The following ITGBL1 variants were observed in gnomAD, a reference collection of about 807,000 sequenced individuals.
ITGBL1 encodes the protein integrin subunit beta like 1, also known as integrin beta-like protein 1.
A neutral mutation model predicts 68.5 loss-of-function variants in ITGBL1; 51 were observed. The ratio of observed to expected loss-of-function variants is 0.74; its 90% CI spans 0.59 to 0.94. The LOEUF is 0.94. Among genes scored for constraint, ITGBL1 ranks in the 40% least tolerant of loss-of-function variants. ITGBL1 has a pLI of 0.00. For missense variants in ITGBL1, 649 were observed against 647.4 expected, an observed-to-expected ratio of 1.00 and a Z score of -0.03; for synonymous variants, 209 against 227.3, an observed-to-expected ratio of 0.92 and a Z score of 0.72.
At chr13:101,656,564 G>A (rs1227246742) in intron 7 of ITGBL1, among the ~76,000 whole-genome samples, 4 of 151,998 alleles carry the variant, frequency 2.6e-5, no homozygotes, top group African/African-American at 9.7e-5. Context: ...TTAGGAACTT[G>A]GGCAAGATAA....
At chr13:101,587,170 C>T (rs188273096) in intron 6 of ITGBL1, among the ~76,000 whole-genome samples, 12 of 152,284 alleles carry the variant, frequency 7.9e-5, no homozygotes, top group Admixed American at 5.2e-4. Context: ...CATTTCCATT[C>T]TCTCCATTTA....
Position 101,677,560 on chromosome 13 carries a change from G to A in ITGBL1, c.1016-15025G>A, listed in dbSNP as rs537527631. Among the ~76,000 whole-genome samples the A allele has an allele frequency of 1.4e-4, 22 of 152,218 alleles. No homozygotes were observed. The South Asian group carries it at 1.7e-3, about 11-fold the overall frequency. On this transcript the variant is annotated intron_variant, in intron 7 of 10. Transcript: ENST00000376180. Reference sequence around the variant, plus strand: ...TAAGTGGTAGATAGGGAATTCTCTCGTAGGTCTCAGACTCCAGAGCACAAA... The same window carrying A: ...TAAGTGGTAGATAGGGAATTCTCTCATAGGTCTCAGACTCCAGAGCACAAA...
intron 9 of ITGBL1, among the ~76,000 whole-genome samples, chr13:101,707,685 T>TA (rs111754845): frequency 0.15 from 22,386 of 150,558 alleles, 2,028 homozygotes; most frequent in East Asian, 0.43. Flanking sequence ...TCTACTCTAT[T>TA]AAAAAAAACA....
chr13:101,720,762 G>GATGAC (rs1158905838), downstream of ITGBL1: 1 of 152,036 alleles, frequency 6.6e-6, no homozygotes, highest in African/African-American at 2.4e-5. Context: ...TAGGCTTCAA[G>GATGAC]ATGACATAAC....
At position 101,495,477 on chromosome 13, in the gene ITGBL1, G is replaced by C. The variant is rs368154248; in HGVS notation, c.316+41377G>C. 1.8e-3 allele frequency among the ~76,000 whole-genome samples: 270 copies of C among 152,178 alleles called. 1 individual carries two copies. The highest frequency in any genetic ancestry group is 6.3e-3 in the African/African-American group (261 of 41,514). ...GCTTGTTCTCATCTCATCCCCTCAA[G>C]GTTTGGCTTTCTACTTCACTGACTC... On this transcript the variant is annotated intron_variant, in intron 2 of 10. Coordinates refer to ENST00000376180, the MANE Select transcript of ITGBL1 (RefSeq NM_004791.3).
intron 5 of ITGBL1, among the ~76,000 whole-genome samples, chr13:101,580,360 T>G (rs2050435107): frequency 6.6e-6 from 1 of 152,116 alleles, no homozygotes; most frequent in African/African-American, 2.4e-5. Flanking sequence ...GGCAGGAACT[T>G]GGAACAAAAT....
intron 7 of ITGBL1, among the ~76,000 whole-genome samples, chr13:101,681,075 T>A (rs1440229277): frequency 1.3e-5 from 2 of 152,202 alleles, no homozygotes; most frequent in Non-Finnish European, 2.9e-5. Flanking sequence ...TCTAGCATGA[T>A]ACTTACCCCA....
intron 2 of ITGBL1, among the ~76,000 whole-genome samples, chr13:101,556,719 G>A (rs1177637013): frequency 6.6e-6 from 1 of 152,132 alleles, no homozygotes; most frequent in Admixed American, 6.6e-5. Flanking sequence ...GCAAAGATCT[G>A]AGTGATGCAA....
chr13:101,604,097 C>A (rs1031903935), intron 7 of ITGBL1, among the ~76,000 whole-genome samples: 8 of 151,586 alleles, frequency 5.3e-5, no homozygotes, highest in African/African-American at 1.9e-4. Flanking sequence ...AAATGTCAAA[C>A]CATATAATAG....
At chr13:101,579,890 G>A (rs971096661) in intron 5 of ITGBL1, among the ~76,000 whole-genome samples, 13 of 152,196 alleles carry the variant, frequency 8.5e-5, no homozygotes, top group African/African-American at 2.6e-4. Flanking sequence ...TTTAACTTCC[G>A]TGTGCAATAA....
At chr13:101,590,178 A>G (rs1389784084) in intron 6 of ITGBL1, among the ~76,000 whole-genome samples, 5 of 152,150 alleles carry the variant, frequency 3.3e-5, no homozygotes, top group Admixed American at 3.3e-4. Flanking sequence ...ATTGGATAGG[A>G]TTCCAACTTT....
At chr13:101,668,604 T>C (rs1263274913) in intron 7 of ITGBL1, among the ~76,000 whole-genome samples, 1 of 79,990 alleles carries the variant, frequency 1.3e-5, no homozygotes, top group Non-Finnish European at 2.5e-5. Flanking sequence ...GAGAATCAAC[T>C]TGAAATGAGA....
chr13:101,608,062 C>T (rs1431379999), intron 7 of ITGBL1, among the ~76,000 whole-genome samples: 16 of 151,928 alleles, frequency 1.1e-4, no homozygotes, highest in Admixed American at 9.9e-4. Context: ...AACCATACAC[C>T]CCCATAAGGG....
chr13:101,691,828 G>A (rs2033887476), intron 7 of ITGBL1, among the ~76,000 whole-genome samples: 1 of 152,114 alleles, frequency 6.6e-6, no homozygotes, highest in South Asian at 2.1e-4. Context: ...TTCCTGTTTA[G>A]TAAAATGATT....
chr13:101,567,835 C>T lies in ITGBL1; in HGVS notation c.453C>T (p.Cys151=). 1 of 1,612,628 alleles carries T rather than the reference C, an allele frequency of 6.2e-7. No homozygotes were observed. The highest frequency in any genetic ancestry group is 8.5e-7 in the Non-Finnish European group (1 of 1,179,090). The change falls in exon 3 of 11, where the codon TGC becomes TGT. Residue 151 remains cysteine, a synonymous_variant. Transcript: ENST00000376180. ...GCAAGAATTCACAAGACATCATCTGCTCTAATGCAGGTAAGAAGTATACCC... is the reference window on the plus strand; with the variant it reads ...GCAAGAATTCACAAGACATCATCTGTTCTAATGCAGGTAAGAAGTATACCC... ...QMCKNSQDII[C]SNAGTCHCGR...
intron 7 of ITGBL1, among the ~76,000 whole-genome samples, chr13:101,677,070 G>A (rs573283891): frequency 6.6e-6 from 1 of 152,264 alleles, no homozygotes; most frequent in East Asian, 1.9e-4. Context: ...GTTGCAATGG[G>A]CTGAGATCAC....
chr13:101,692,773 C>T, intron 8 of ITGBL1, 72 bp downstream of exon 8: 1 of 937,094 alleles, frequency 1.1e-6, no homozygotes, highest in East Asian at 2.4e-5. Context: ...ATTCTACTGA[C>T]TCTTGCTTTT....
intron 6 of ITGBL1, among the ~76,000 whole-genome samples, chr13:101,595,140 A>G (rs1051514936): frequency 1.3e-5 from 2 of 152,180 alleles, no homozygotes; most frequent in African/African-American, 4.8e-5. Flanking sequence ...ACATTTCTGC[A>G]GTCTGTACAG....
chr13:101,714,385 A>T (rs1594008274), intron 9 of ITGBL1, 53 bp from the exon 10 acceptor site: 2 of 1,012,962 alleles, frequency 2.0e-6, no homozygotes, highest in African/African-American at 1.6e-5. Context: ...TCTATTCGAG[A>T]TGGAAACCTT....
Sources: gnomAD v4.1 joint callset for allele counts (sites outside exome capture counted in the v4.1 genomes callset) on GRCh38, gnomAD v4.1.1 for gene constraint, MANE v1.5 for transcripts, NCBI Gene and HGNC (gene_info 2026-07-23, HGNC 2026-07-21) for gene names.